Variants in B3GALT1 observed in about 807,000 individuals in gnomAD.
B3GALT1 encodes beta-1,3-galactosyltransferase 1.
B3GALT1 carries 10 observed loss-of-function variants against 23.2 expected under a neutral mutation model. The observed-to-expected ratio is 0.43, with a 90% CI of 0.27 to 0.73. The LOEUF (loss-of-function observed/expected upper bound fraction) is 0.73. Among genes scored for constraint, B3GALT1 ranks in the 30% least tolerant of loss-of-function variants. The pLI is 0.21. For missense variants in B3GALT1, 299 were observed against 405.4 expected (o/e 0.74, Z 2.25); for synonymous variants, 156 against 141.5 (o/e 1.10, Z -0.73).
intron 1 of B3GALT1, among the ~76,000 whole-genome samples, chr2:167,295,064 T>C (rs1455874189): frequency 6.6e-6 from 1 of 152,208 alleles, no homozygotes; most frequent in East Asian, 1.9e-4. Flanking sequence ...TCTCCCAATT[T>C]AACAACTAAG....
At chr2:167,557,464 A>C (rs1461763481) in intron 2 of B3GALT1, among the ~76,000 whole-genome samples, 1 of 152,218 alleles carries the variant, frequency 6.6e-6, no homozygotes, top group African/African-American at 2.4e-5. Context: ...TTTGGCTCTC[A>C]AAGTTTCAGT....
At chr2:167,320,190 C>CT (rs35189136) in intron 1 of B3GALT1, among the ~76,000 whole-genome samples, 15,801 of 142,156 alleles carry the variant, frequency 0.11, 1,270 homozygotes, top group African/African-American at 0.22. Context: ...GAGCTATCTC[C>CT]TTTTTTTTTT....
At chr2:167,591,800 G>A (rs1204243401) in intron 2 of B3GALT1, among the ~76,000 whole-genome samples, 2 of 151,960 alleles carry the variant, frequency 1.3e-5, no homozygotes, top group East Asian at 3.9e-4. Context: ...TGTTGTTGTT[G>A]TTATTATAGC....
In B3GALT1 at chr2:167,661,061, T is replaced by C. The variant is rs547473831; in HGVS notation, c.-352+14095T>C. 2.0e-5 allele frequency among the ~76,000 whole-genome samples: 3 copies of C among 152,276 alleles called. No individual in the cohort carries two copies. In the East Asian group the frequency reaches 5.8e-4, roughly 29 times the overall value. ...AGAAAGAAGGGTACACTGTAATCTC[T>C]GGATTTTCTTCGTTGTGCAACGGAG... is the stretch of plus-strand genomic sequence containing the variant. On this transcript the variant is annotated intron_variant, in intron 3 of 4. Coordinates refer to ENST00000392690, the MANE Select transcript of B3GALT1 (RefSeq NM_020981.4).
intron 2 of B3GALT1, among the ~76,000 whole-genome samples, chr2:167,533,926 G>A (rs1683372390): frequency 6.6e-6 from 1 of 151,774 alleles, no homozygotes. Flanking sequence ...AAGGTAATGG[G>A]TTTTTTTTCC....
chr2:167,316,770 CTTT>C (rs1170281354), intron 1 of B3GALT1, among the ~76,000 whole-genome samples: 2 of 152,098 alleles, frequency 1.3e-5, no homozygotes, highest in South Asian at 2.1e-4. Flanking sequence ...TTCCACTCTT[CTTT>C]ATCTTTCTTC....
In B3GALT1 at chr2:167,583,351, G is replaced by GA. The variant is rs752357364; in HGVS notation, c.-409-63557dup. 9.9e-5 allele frequency among the ~76,000 whole-genome samples: 15 copies of GA among 152,178 alleles called. 1 individual carries two copies. Among genetic ancestry groups the GA allele is most frequent in the Admixed American group, 6.5e-4 (10 of 15,284 alleles). On this transcript the variant is annotated intron_variant, in intron 2 of 4. Coordinates refer to ENST00000392690, the MANE Select transcript of B3GALT1 (RefSeq NM_020981.4). ...TACATTTTGGGAAAAAAAATGCTGT[G>GA]ATCTGTCATTTTCGTGATTAGAGGT...
At chr2:167,411,295 A>G (rs1172888541) in intron 1 of B3GALT1, among the ~76,000 whole-genome samples, 1 of 151,590 alleles carries the variant, frequency 6.6e-6, no homozygotes, top group Non-Finnish European at 1.5e-5. Flanking sequence ...ATGGGAGAAA[A>G]TATTTGTAAA....
intron 4 of B3GALT1, among the ~76,000 whole-genome samples, chr2:167,852,762 A>C (rs1004993607): frequency 6.6e-6 from 1 of 152,184 alleles, no homozygotes; most frequent in Non-Finnish European, 1.5e-5. Flanking sequence ...TCTAGAATAT[A>C]GTCCACTTTT....
chr2:167,634,030 G>C (rs879520928), intron 2 of B3GALT1, among the ~76,000 whole-genome samples: 4 of 152,114 alleles, frequency 2.6e-5, no homozygotes, highest in Non-Finnish European at 5.9e-5. Context: ...TAGAACTCAG[G>C]ATTAAGAAAT....
At chr2:167,756,507 C>T (rs1224565305) in intron 3 of B3GALT1, among the ~76,000 whole-genome samples, 2 of 152,198 alleles carry the variant, frequency 1.3e-5, no homozygotes, top group African/African-American at 2.4e-5. Flanking sequence ...ATGCTACGAT[C>T]AATACTGTTC....
At chr2:167,661,380 G>T (rs543235699) in intron 3 of B3GALT1, among the ~76,000 whole-genome samples, 1 of 152,058 alleles carries the variant, frequency 6.6e-6, no homozygotes, top group Admixed American at 6.6e-5. Flanking sequence ...ACTGTCTCTA[G>T]CCCCAAGAAA....
chr2:167,761,349 AAGG>A (rs1687896827), intron 3 of B3GALT1, among the ~76,000 whole-genome samples: 1 of 152,154 alleles, frequency 6.6e-6, no homozygotes, highest in Non-Finnish European at 1.5e-5. Context: ...ATACGTGAAA[AAGG>A]AGTATATTTA....
At chr2:167,378,832 T>C (rs1697801256) in intron 1 of B3GALT1, among the ~76,000 whole-genome samples, 2 of 152,208 alleles carry the variant, frequency 1.3e-5, no homozygotes, top group Admixed American at 1.3e-4. Flanking sequence ...GTTTCCATTT[T>C]GGTTAGGGAT....
chr2:167,681,355 C>T (rs1686527911), intron 3 of B3GALT1, among the ~76,000 whole-genome samples: 1 of 152,136 alleles, frequency 6.6e-6, no homozygotes, highest in South Asian at 2.1e-4. Context: ...AATACCTCCC[C>T]ATCCTTTCAA....
At chr2:167,341,131 T>A (rs1036525260) in intron 1 of B3GALT1, among the ~76,000 whole-genome samples, 2 of 151,938 alleles carry the variant, frequency 1.3e-5, no homozygotes, top group African/African-American at 4.8e-5. Flanking sequence ...CCAAACTGAG[T>A]CACAGATTAA....
intron 2 of B3GALT1, among the ~76,000 whole-genome samples, chr2:167,620,686 A>G (rs1685239807): frequency 1.3e-5 from 2 of 151,812 alleles, no homozygotes; most frequent in Non-Finnish European, 2.9e-5. Context: ...GAGACCTAAC[A>G]AGGTAATGCC....
At chr2:167,752,510 CTATT>C (rs1054567782) in intron 3 of B3GALT1, among the ~76,000 whole-genome samples, 9 of 149,664 alleles carry the variant, frequency 6.0e-5, no homozygotes, top group Non-Finnish European at 8.9e-5. Context: ...AAGAGGTACT[CTATT>C]TGTTTTTTTT....
At chr2:167,817,283 T>C (rs548905188) in intron 3 of B3GALT1, among the ~76,000 whole-genome samples, 73 of 152,326 alleles carry the variant, frequency 4.8e-4, no homozygotes, top group African/African-American at 1.7e-3. Flanking sequence ...GTGGAGATGA[T>C]GACAGATAAT....
Sources: allele counts gnomAD v4.1 joint callset (sites outside exome capture counted in the v4.1 genomes callset), GRCh38; gene constraint gnomAD v4.1.1; transcripts MANE v1.5; gene names NCBI Gene and HGNC (gene_info 2026-07-23, HGNC 2026-07-21).